The following RFX8 variants were observed in gnomAD, a reference collection of about 807,000 sequenced individuals.
RFX8 encodes the protein DNA-binding protein RFX8.
RFX8 carries 46 observed loss-of-function variants against 54.6 expected under a neutral mutation model. The observed-to-expected ratio is 0.84, with a 90% CI of 0.67 to 1.08. RFX8 has a LOEUF of 1.08. RFX8 is among the 50% of genes least tolerant of loss of function. The pLI, the probability that RFX8 is intolerant of heterozygous loss-of-function variation, is 0.00. For missense variants in RFX8, 536 were observed against 562.3 expected, an observed-to-expected ratio of 0.95 and a Z score of 0.47; for synonymous variants, 192 against 209.5, an observed-to-expected ratio of 0.92 and a Z score of 0.72.
chr2:101,424,838 G>A (rs538907582), intron 2 of RFX8, among the ~76,000 whole-genome samples: 11 of 152,210 alleles, frequency 7.2e-5, no homozygotes, highest in African/African-American at 2.6e-4. Flanking sequence ...GACACAGGGC[G>A]GGGAACATCA....
In RFX8 at chr2:101,426,887, T is replaced by G. The variant is rs1687202522; in HGVS notation, c.73-4415A>C. ...CAGAATTATCACCCCCCAAAGCAAATGTATCCTGTCACTCTCCTTCTGAAG... is the reference window on the plus strand; with the variant it reads ...CAGAATTATCACCCCCCAAAGCAAAGGTATCCTGTCACTCTCCTTCTGAAG... On this transcript the variant is annotated intron_variant, in intron 2 of 11. Coordinates refer to ENST00000428343, the MANE Select transcript of RFX8 (RefSeq NM_001145664.2). Among the ~76,000 whole-genome samples the G allele has an allele frequency of 2.0e-5, 3 of 152,142 alleles. No homozygotes were observed. The South Asian group carries it at 6.2e-4, about 32-fold the overall frequency.
intron 2 of RFX8, among the ~76,000 whole-genome samples, chr2:101,434,136 C>G (rs555271782): frequency 6.6e-6 from 1 of 152,204 alleles, no homozygotes; most frequent in South Asian, 2.1e-4. Context: ...GAAGGACAAA[C>G]AGAATTCACA....
intron 2 of RFX8, among the ~76,000 whole-genome samples, chr2:101,462,434 A>G (rs182584721): frequency 1.7e-4 from 26 of 152,328 alleles, no homozygotes; most frequent in Middle Eastern, 6.8e-3. Context: ...TGCCTCAAAA[A>G]AAGGGGGGAT....
chr2:101,448,781 A>G (rs1688529783), intron 2 of RFX8, among the ~76,000 whole-genome samples: 1 of 152,252 alleles, frequency 6.6e-6, no homozygotes, highest in South Asian at 2.1e-4. Flanking sequence ...TGTTCAAACT[A>G]GAACACCTTT....
At chr2:101,449,773 G>A (rs1012619266) in intron 2 of RFX8, among the ~76,000 whole-genome samples, 1 of 152,064 alleles carries the variant, frequency 6.6e-6, no homozygotes, top group African/African-American at 2.4e-5. Context: ...GACAAAAAAG[G>A]ATGAGATGTC....
chr2:101,398,623 T>G (rs1386960389), intron 11 of RFX8, among the ~76,000 whole-genome samples: 1 of 152,048 alleles, frequency 6.6e-6, no homozygotes, highest in African/African-American at 2.4e-5. Flanking sequence ...ATTCGAGAGG[T>G]GGGGAGGTTC....
chr2:101,423,884 T>A, intron 2 of RFX8, among the ~76,000 whole-genome samples: 1 of 152,098 alleles, frequency 6.6e-6, no homozygotes, highest in East Asian at 1.9e-4. Flanking sequence ...GCATTGAGGA[T>A]CACAGAAGTT....
At chr2:101,461,724 TA>T (rs1415286424) in intron 2 of RFX8, among the ~76,000 whole-genome samples, 1 of 152,154 alleles carries the variant, frequency 6.6e-6, no homozygotes, top group African/African-American at 2.4e-5. Flanking sequence ...GCAGAAAATA[TA>T]ATTAAGTTAA....
At chr2:101,430,203 A>G (rs4851437) in intron 2 of RFX8, among the ~76,000 whole-genome samples, 5,812 of 152,292 alleles carry the variant, frequency 0.038, 164 homozygotes, top group African/African-American at 0.079. Context: ...TCAACCTGAA[A>G]GGGTATATGG....
intron 2 of RFX8, among the ~76,000 whole-genome samples, chr2:101,429,545 G>A (rs1687372276): frequency 6.6e-6 from 1 of 152,066 alleles, no homozygotes; most frequent in Admixed American, 6.6e-5. Flanking sequence ...TATGCAGTAC[G>A]GTGCATTTTT....
intron 1 of RFX8, among the ~76,000 whole-genome samples, chr2:101,469,265 C>T (rs180673641): frequency 6.6e-5 from 10 of 150,776 alleles, no homozygotes; most frequent in Non-Finnish European, 1.3e-4. Context: ...AGGGATCCTC[C>T]TGCCTTAGCC....
rs1341337838 is a variant in RFX8, at chr2:101,474,387, AGCGCGCGGGGG to A, written c.-53+238_-53+248del. 18 of 387,496 alleles carry A rather than the reference AGCGCGCGGGGG, an allele frequency of 4.6e-5. No individual in the cohort carries two copies. The South Asian group carries it at 1.9e-3, about 40-fold the overall frequency. 24.0% of individuals were successfully genotyped at this position (387,496 alleles called of 1,614,324 possible). A position where few individuals can be genotyped will look rare whatever the true frequency, so the allele number is the denominator to read the frequency against. On this transcript the variant is annotated intron_variant, in intron 1 of 11. Coordinates refer to ENST00000428343, the MANE Select transcript of RFX8 (RefSeq NM_001145664.2). ...CTCCTCGGTGTTTACTTTAGAAAGG[AGCGCGCGGGGG>A]GCGCGCGGGGCGCGGGGCGGGAGCC...
intron 2 of RFX8, among the ~76,000 whole-genome samples, chr2:101,431,568 C>T (rs1453974228): frequency 6.6e-6 from 1 of 152,148 alleles, no homozygotes; most frequent in East Asian, 1.9e-4. Flanking sequence ...CCTATAGGTA[C>T]TCAGAAACAG....
At chr2:101,411,498 G>A (rs530390679) in intron 8 of RFX8, among the ~76,000 whole-genome samples, 1,179 of 9,490 alleles carry the variant, frequency 0.12, 22 homozygotes, top group Middle Eastern at 0.5. Context: ...GGCACCGGGC[G>A]GGGGAGGGGG....
At chr2:101,446,491 AGTATATGCTGAGCATAG>A (rs1688388559) in intron 2 of RFX8, among the ~76,000 whole-genome samples, 3 of 11,192 alleles carry the variant, frequency 2.7e-4, no homozygotes, top group Non-Finnish European at 1.6e-3. Context: ...TCAATTATTA[AGTATATGCTGAGCATAG>A]AGTACATGAA....
chr2:101,440,834 A>G (rs1688057179), intron 2 of RFX8, among the ~76,000 whole-genome samples: 2 of 152,182 alleles, frequency 1.3e-5, no homozygotes, highest in South Asian at 4.1e-4. Context: ...CGAGAAAAAG[A>G]AAGGGCAGTT....
intron 2 of RFX8, among the ~76,000 whole-genome samples, chr2:101,426,027 C>T (rs1305526003): frequency 2.6e-5 from 4 of 152,082 alleles, no homozygotes; most frequent in Admixed American, 1.3e-4. Flanking sequence ...TTTTCAAATA[C>T]CCAGATAAGA....
At position 101,406,061 on chromosome 2, in the gene RFX8, T is replaced by C; in HGVS notation, c.814-4A>G. 6.6e-7 allele frequency: 1 copy of C among 1,526,336 alleles called. No individual in the cohort carries two copies. The highest frequency in any genetic ancestry group is 8.8e-7 in the Non-Finnish European group (1 of 1,131,862). The allele number at this position is 1,526,336 out of a possible 1,614,324, so 94.5% of individuals were successfully genotyped here. Reference sequence around the variant, plus strand: ...ACTCTTCTTTGCTTCTGCTTGTCTGTTAAGTTTTTGTGAGAAAAAAGGCTG... The same window carrying C: ...ACTCTTCTTTGCTTCTGCTTGTCTGCTAAGTTTTTGTGAGAAAAAAGGCTG... On this transcript the variant is annotated splice_polypyrimidine_tract_variant and splice_region_variant and intron_variant, in intron 9 of 11. Coordinates refer to ENST00000428343, the MANE Select transcript of RFX8 (RefSeq NM_001145664.2).
At chr2:101,440,071 G>T (rs928484260) in intron 2 of RFX8, among the ~76,000 whole-genome samples, 1 of 150,254 alleles carries the variant, frequency 6.7e-6, no homozygotes, top group Admixed American at 6.7e-5. Context: ...TTTAGAAGAC[G>T]CTTGTCTATG....
Sources: allele counts gnomAD v4.1 joint callset (sites outside exome capture counted in the v4.1 genomes callset), GRCh38; gene constraint gnomAD v4.1.1; transcripts MANE v1.5; gene names NCBI Gene and HGNC (gene_info 2026-07-23, HGNC 2026-07-21).